Variants in STK3 observed in about 807,000 individuals in gnomAD.
The protein encoded by STK3 is serine/threonine kinase 3.
STK3 carries 41 observed loss-of-function variants against 58.0 expected under a neutral mutation model. That is an observed-to-expected ratio of 0.71 (90% CI 0.55 to 0.92). The LOEUF (loss-of-function observed/expected upper bound fraction) is 0.92. Ranked by LOEUF, STK3 falls within the 40% of genes least tolerant of loss-of-function variation. The pLI is 0.00. For missense variants in STK3, 479 were observed against 602.7 expected, an observed-to-expected ratio of 0.79 and a Z score of 2.15; for synonymous variants, 170 against 191.0, an observed-to-expected ratio of 0.89 and a Z score of 0.91.
intron 1 of STK3, among the ~76,000 whole-genome samples, chr8:98,810,866 T>C (rs1761176375): frequency 6.6e-6 from 1 of 152,128 alleles, no homozygotes; most frequent in African/African-American, 2.4e-5. Flanking sequence ...CTCTATTAAT[T>C]CACAAGAAAG....
At chr8:98,500,027 C>G (rs1184739232) in intron 10 of STK3, among the ~76,000 whole-genome samples, 1 of 151,974 alleles carries the variant, frequency 6.6e-6, no homozygotes, top group African/African-American at 2.4e-5. Flanking sequence ...CCTCATATGG[C>G]AAAGACTTTG....
At chr8:98,608,150 T>C (rs953739488) in intron 6 of STK3, among the ~76,000 whole-genome samples, 1 of 152,164 alleles carries the variant, frequency 6.6e-6, no homozygotes, top group Non-Finnish European at 1.5e-5. Flanking sequence ...GATTAGAATA[T>C]TGCTCCATCT....
intron 6 of STK3, among the ~76,000 whole-genome samples, chr8:98,694,266 T>A (rs559966092): frequency 6.6e-6 from 1 of 152,228 alleles, no homozygotes. Context: ...TGACTCCTTA[T>A]GTTTGAAAAT....
intron 1 of STK3, among the ~76,000 whole-genome samples, chr8:98,937,328 A>T (rs1167726742): frequency 6.6e-6 from 1 of 152,212 alleles, no homozygotes; most frequent in Admixed American, 6.5e-5. Flanking sequence ...CATGAAGTGA[A>T]ATAACATCAT....
At chr8:98,606,984 G>A (rs959886617) in intron 6 of STK3, among the ~76,000 whole-genome samples, 1 of 152,166 alleles carries the variant, frequency 6.6e-6, no homozygotes, top group Non-Finnish European at 1.5e-5. Flanking sequence ...TCTGAAGAGT[G>A]GTCATGTTGG....
intron 10 of STK3, among the ~76,000 whole-genome samples, chr8:98,523,498 C>T (rs1825523848): frequency 1.3e-5 from 2 of 151,910 alleles, no homozygotes; most frequent in Admixed American, 1.3e-4. Flanking sequence ...CCTCAGCCTC[C>T]CAAGTAGCTG....
chr8:98,551,614 A>C (rs1054275722), intron 8 of STK3, among the ~76,000 whole-genome samples: 2 of 152,130 alleles, frequency 1.3e-5, no homozygotes, highest in Non-Finnish European at 2.9e-5. Flanking sequence ...TCTTACATGA[A>C]AAATACTGCG....
At chr8:98,670,051 T>C (rs950843708) in intron 6 of STK3, among the ~76,000 whole-genome samples, 4 of 152,198 alleles carry the variant, frequency 2.6e-5, no homozygotes, top group African/African-American at 7.2e-5. Context: ...ATTTGAAAAT[T>C]AGTACTCACA....
intron 1 of STK3, among the ~76,000 whole-genome samples, chr8:98,934,125 T>C (rs530514594): frequency 6.6e-6 from 1 of 152,314 alleles, no homozygotes; most frequent in South Asian, 2.1e-4. Context: ...TTCCTGCCTT[T>C]AGCAGTTGCC....
At chr8:98,688,497 C>T (rs1361425737) in intron 6 of STK3, among the ~76,000 whole-genome samples, 1 of 152,016 alleles carries the variant, frequency 6.6e-6, no homozygotes, top group Non-Finnish European at 1.5e-5. Context: ...ATAGAACATA[C>T]TCAAAGACTG....
intron 6 of STK3, among the ~76,000 whole-genome samples, chr8:98,644,520 T>C (rs1820258841): frequency 6.6e-6 from 1 of 152,172 alleles, no homozygotes; most frequent in African/African-American, 2.4e-5. Flanking sequence ...TGACCAAATA[T>C]TTTTAGGACA....
At chr8:98,893,405 AGAAG>A (rs60738697) in intron 1 of STK3, among the ~76,000 whole-genome samples, 7,567 of 95,764 alleles carry the variant, frequency 0.079, 643 homozygotes, top group East Asian at 0.12. Flanking sequence ...AAAGAAAGAA[AGAAG>A]GAAGGAAGGA....
intron 3 of STK3, among the ~76,000 whole-genome samples, chr8:98,876,403 C>T (rs371562713): frequency 9.9e-5 from 15 of 152,272 alleles, no homozygotes; most frequent in African/African-American, 3.6e-4. Flanking sequence ...ATCCAGCCAC[C>T]ACATTATCAT....
intron 3 of STK3, among the ~76,000 whole-genome samples, chr8:98,850,522 G>C (rs1587746986): frequency 6.6e-6 from 1 of 152,194 alleles, no homozygotes; most frequent in South Asian, 2.1e-4. Context: ...AACCCAGCTT[G>C]GGGGTAGTCA....
intron 1 of STK3, among the ~76,000 whole-genome samples, chr8:98,898,567 G>A (rs918503489): frequency 5.3e-5 from 8 of 152,172 alleles, no homozygotes; most frequent in Admixed American, 2.6e-4. Flanking sequence ...AATGTTTTAT[G>A]AGAATTAACC....
At chr8:98,588,002 G>C (rs1814823419) in intron 7 of STK3, among the ~76,000 whole-genome samples, 1 of 152,160 alleles carries the variant, frequency 6.6e-6, no homozygotes, top group Admixed American at 6.5e-5. Flanking sequence ...CTCTGCACGT[G>C]AGATGGGTTT....
chr8:98,710,639 C>T (rs1172938470), intron 4 of STK3, among the ~76,000 whole-genome samples: 1 of 152,196 alleles, frequency 6.6e-6, no homozygotes, highest in Non-Finnish European at 1.5e-5. Context: ...AACAAAGCAG[C>T]CAGGAAGCTC....
intron 3 of STK3, among the ~76,000 whole-genome samples, chr8:98,854,471 A>G (rs983807409): frequency 1.3e-5 from 2 of 152,196 alleles, no homozygotes; most frequent in Admixed American, 1.3e-4. Context: ...GTAATCTCGT[A>G]TATAGAAAAT....
intron 6 of STK3, among the ~76,000 whole-genome samples, chr8:98,666,016 T>A (rs959095488): frequency 1.3e-5 from 2 of 152,154 alleles, no homozygotes; most frequent in African/African-American, 4.8e-5. Flanking sequence ...TCCTGATTTT[T>A]AAGGAAACTT....
Sources: gnomAD v4.1 joint callset for allele counts (sites outside exome capture counted in the v4.1 genomes callset) on GRCh38, gnomAD v4.1.1 for gene constraint, MANE v1.5 for transcripts, NCBI Gene and HGNC (gene_info 2026-07-23, HGNC 2026-07-21) for gene names.